Variants in SAMSN1 observed in about 807,000 individuals in gnomAD.
SAMSN1 encodes the protein SAM domain-containing protein SAMSN-1.
Under a neutral mutation model 42.0 loss-of-function variants are expected in SAMSN1, and 31 were observed. That is an observed-to-expected ratio of 0.74 (90% CI 0.55 to 1.00). The LOEUF is 1.00. Among genes scored for constraint, SAMSN1 ranks in the 50% least tolerant of loss-of-function variants. SAMSN1 has a pLI of 0.00. For synonymous variants in SAMSN1, 178 were observed against 151.9 expected, an observed-to-expected ratio of 1.17 and a Z score of -1.26; for missense variants, 464 against 439.4, an observed-to-expected ratio of 1.06 and a Z score of -0.50.
At chr21:14,638,860 C>T (rs963236018) in intron 2 of SAMSN1, among the ~76,000 whole-genome samples, 4 of 152,138 alleles carry the variant, frequency 2.6e-5, no homozygotes, top group African/African-American at 9.7e-5. Context: ...AAAGAGAATC[C>T]ACAACTGCTC....
chr21:14,570,806 A>C (rs1981275086), intron 2 of SAMSN1, among the ~76,000 whole-genome samples: 1 of 152,176 alleles, frequency 6.6e-6, no homozygotes, highest in Non-Finnish European at 1.5e-5. Flanking sequence ...CAAGCCTCAT[A>C]TCCTCAACAA....
chr21:14,651,342 AG>A (rs1336392808), intron 1 of SAMSN1, among the ~76,000 whole-genome samples: 3 of 152,066 alleles, frequency 2.0e-5, no homozygotes, highest in Non-Finnish European at 2.9e-5. Context: ...TCATCGTCCA[AG>A]TGAGATTTAT....
chr21:14,495,425 G>A (rs2822704), intron 7 of SAMSN1, among the ~76,000 whole-genome samples: 8,001 of 152,242 alleles, frequency 0.053, 646 homozygotes, highest in African/African-American at 0.17. Context: ...AGTCAGAATA[G>A]CCTAACCTGC....
At chr21:14,537,464 T>C (rs924456024) in intron 1 of SAMSN1, among the ~76,000 whole-genome samples, 8 of 152,212 alleles carry the variant, frequency 5.3e-5, no homozygotes, top group African/African-American at 1.9e-4. Flanking sequence ...CTCCAGCAAA[T>C]ATGGTATCTT....
At chr21:14,637,048 G>A (rs538939854) in intron 2 of SAMSN1, among the ~76,000 whole-genome samples, 7 of 152,180 alleles carry the variant, frequency 4.6e-5, no homozygotes, top group South Asian at 4.1e-4. Flanking sequence ...ATGCCTCTGC[G>A]CCATCAGCAA....
chr21:14,516,904 A>C lies in SAMSN1; in HGVS notation c.267T>G (p.Leu89=), dbSNP rs1165709218. 1 of 1,602,546 alleles carries C rather than the reference A, an allele frequency of 6.2e-7. No homozygotes were observed. The highest frequency in any genetic ancestry group is 1.8e-5 in the Admixed American group (1 of 56,782). The change falls in exon 3 of 8, where the codon CTT becomes CTG. Residue 89 remains leucine (L), a synonymous_variant. Transcript: ENST00000400566. ...AGAGAATATTTACCTTTTCCTCAGAAAGGGCTTTGATGTACTTTTTACCCA... is the reference window on the plus strand; with the variant it reads ...AGAGAATATTTACCTTTTCCTCAGACAGGGCTTTGATGTACTTTTTACCCA... ...KKVGKKYIKA[L]SEEKDEEDGE...
At chr21:14,560,649 C>T (rs139047017) in intron 2 of SAMSN1, among the ~76,000 whole-genome samples, 3,108 of 152,212 alleles carry the variant, frequency 0.02, 96 homozygotes, top group African/African-American at 0.07. Context: ...ATTTTGAAAA[C>T]TGGAAGAAAG....
intron 1 of SAMSN1, among the ~76,000 whole-genome samples, chr21:14,540,999 G>A (rs979691489): frequency 5.9e-5 from 9 of 152,146 alleles, no homozygotes; most frequent in African/African-American, 1.7e-4. Flanking sequence ...GATGAAGCTG[G>A]AAACCATCAT....
intron 1 of SAMSN1, among the ~76,000 whole-genome samples, chr21:14,652,931 A>G (rs1026273129): frequency 3.3e-5 from 5 of 152,138 alleles, no homozygotes; most frequent in African/African-American, 1.2e-4. Flanking sequence ...GGCATGTGAA[A>G]AAGTGCTCAA....
chr21:14,588,319 C>A (rs1287925096), upstream of SAMSN1, among the ~76,000 whole-genome samples: 1 of 130,430 alleles, frequency 7.7e-6, no homozygotes, highest in African/African-American at 2.7e-5. Flanking sequence ...GAGGAATCGG[C>A]ACACTGACTT....
At chr21:14,651,889 A>G (rs994962075) in intron 1 of SAMSN1, among the ~76,000 whole-genome samples, 1 of 152,020 alleles carries the variant, frequency 6.6e-6, no homozygotes, top group Non-Finnish European at 1.5e-5. Context: ...GCAACAATAT[A>G]AAAAAGAAAT....
chr21:14,583,509 T>C, upstream of SAMSN1: 2 of 588,750 alleles, frequency 3.4e-6, no homozygotes, highest in South Asian at 2.1e-5. Context: ...GGGATGTCTG[T>C]TTTAAAATAA....
chr21:14,498,450 T>A lies in SAMSN1; in HGVS notation c.911A>T (p.Glu304Val). 1.2e-6 allele frequency: 2 copies of A among 1,610,022 alleles called. No homozygotes were observed. Among genetic ancestry groups the A allele is most frequent in the Non-Finnish European group, 1.7e-6 (2 of 1,178,898 alleles). The change falls in exon 7 of 8, where the codon GAA (glutamate) becomes GTA (valine). Residue 304 changes from glutamate (E) to valine (V), a missense_variant. Glu to Val is a moderately radical substitution (Grantham distance 121). Coordinates refer to ENST00000400566, the MANE Select transcript of SAMSN1 (RefSeq NM_022136.5). The part of the protein sequence containing the change: ...RLLSAAENFL[E>V]EEIIQEQENE... ...TAGGTGTACACACTTACTTTCTTCT[T>A]CAAGGAAGTTTTCAGCAGCTGATAG...
intron 2 of SAMSN1, chr21:14,642,959 T>C (rs527774863): frequency 1.6e-4 from 113 of 712,598 alleles, no homozygotes; most frequent in Middle Eastern, 2.3e-4. Flanking sequence ...TCTAGAACTA[T>C]AATAGAGAAA....
intron 6 of SAMSN1, among the ~76,000 whole-genome samples, chr21:14,595,914 C>T (rs28641999): frequency 0.064 from 9,726 of 152,044 alleles, 767 homozygotes; most frequent in African/African-American, 0.19. Context: ...TTCTGGGCTG[C>T]GAAATTCCTT....
intron 6 of SAMSN1, among the ~76,000 whole-genome samples, chr21:14,597,551 CTGAT>C (rs1415728298): frequency 6.6e-6 from 1 of 152,108 alleles, no homozygotes; most frequent in Non-Finnish European, 1.5e-5. Flanking sequence ...ACAGTTTTGT[CTGAT>C]TGCTTACATA....
At chr21:14,593,954 G>A (rs993185564) in intron 7 of SAMSN1, 1 of 709,110 alleles carries the variant, frequency 1.4e-6, no homozygotes, top group African/African-American at 1.8e-5. Context: ...GCATTAAAAT[G>A]AGTGGAAAAG....
At chr21:14,543,068 T>C (rs1275531159) in intron 1 of SAMSN1, among the ~76,000 whole-genome samples, 2 of 152,260 alleles carry the variant, frequency 1.3e-5, no homozygotes, top group African/African-American at 2.4e-5. Flanking sequence ...CTATTTCTTT[T>C]CTAATTTGGA....
intron 5 of SAMSN1, among the ~76,000 whole-genome samples, chr21:14,503,137 G>A (rs1987244688): frequency 6.6e-6 from 1 of 152,036 alleles, no homozygotes; most frequent in African/African-American, 2.4e-5. Flanking sequence ...ATAATAGGAG[G>A]GACTTTGCAG....
Sources: allele counts gnomAD v4.1 joint callset (sites outside exome capture counted in the v4.1 genomes callset), GRCh38; gene constraint gnomAD v4.1.1; transcripts MANE v1.5; gene names NCBI Gene and HGNC (gene_info 2026-07-23, HGNC 2026-07-21).